ZNF280D: variants seen among roughly 807,000 people sequenced by gnomAD.
ZNF280D encodes zinc finger protein 280D, also known as suppressor of hairy wing homolog 4.
In ZNF280D, 39 loss-of-function variants were observed where a neutral mutation model predicts 94.7. That is an observed-to-expected ratio of 0.41 (90% CI 0.32 to 0.54). ZNF280D has a LOEUF of 0.54. ZNF280D is among the 20% of genes least tolerant of loss of function. The pLI, the probability that ZNF280D is intolerant of heterozygous loss-of-function variation, is 0.22. For synonymous variants in ZNF280D, 398 were observed against 377.6 expected, an observed-to-expected ratio of 1.05 and a Z score of -0.63; for missense variants, 1,090 against 1,149.3, an observed-to-expected ratio of 0.95 and a Z score of 0.75.
At chr15:56,697,527 C>T (rs1488773852) in intron 6 of ZNF280D, among the ~76,000 whole-genome samples, 4 of 152,140 alleles carry the variant, frequency 2.6e-5, no homozygotes, top group African/African-American at 9.7e-5. Flanking sequence ...CCTGTAGAAC[C>T]TTAGATGATT....
At chr15:56,675,565 CTTACTATATGTAAT>C (rs1596461265) in intron 13 of ZNF280D, among the ~76,000 whole-genome samples, 1 of 151,622 alleles carries the variant, frequency 6.6e-6, no homozygotes, top group East Asian at 1.9e-4. Flanking sequence ...ACAGGTAATT[CTTACTATATGTAAT>C]TTACTATATG....
At chr15:56,647,363 A>C (rs1162149108) in intron 19 of ZNF280D, among the ~76,000 whole-genome samples, 1 of 152,310 alleles carries the variant, frequency 6.6e-6, no homozygotes, top group Admixed American at 6.5e-5. Context: ...GAGATTATTC[A>C]TGATATGGAA....
chr15:56,642,310 C>A (rs1481946976), intron 20 of ZNF280D, among the ~76,000 whole-genome samples: 1 of 151,674 alleles, frequency 6.6e-6, no homozygotes, highest in Non-Finnish European at 1.5e-5. Flanking sequence ...TTATATTATG[C>A]GCCATTCAAG....
At chr15:56,722,683 A>T (rs1044153631) in intron 1 of ZNF280D, among the ~76,000 whole-genome samples, 6 of 152,194 alleles carry the variant, frequency 3.9e-5, no homozygotes, top group Non-Finnish European at 8.8e-5. Flanking sequence ...TTCCTCAAGG[A>T]TCTAGAACTA....
intron 3 of ZNF280D, among the ~76,000 whole-genome samples, chr15:56,705,103 C>G (rs1217309854): frequency 6.6e-6 from 1 of 152,064 alleles, no homozygotes; most frequent in Admixed American, 6.6e-5. Context: ...GGAAGAATGT[C>G]ACAAATCATT....
chr15:56,724,127 G>A (rs1026951150), intron 1 of ZNF280D, among the ~76,000 whole-genome samples: 2 of 152,090 alleles, frequency 1.3e-5, no homozygotes, highest in Non-Finnish European at 2.9e-5. Context: ...TTGAAGTACA[G>A]TTTCTACTAA....
chr15:56,713,053 C>T (rs980680511), intron 1 of ZNF280D, among the ~76,000 whole-genome samples: 5 of 151,908 alleles, frequency 3.3e-5, no homozygotes, highest in African/African-American at 1.2e-4. Flanking sequence ...TGGTTAACTT[C>T]TACATCTCCC....
intron 14 of ZNF280D, chr15:56,668,042 C>T: frequency 2.4e-6 from 1 of 410,906 alleles, no homozygotes; most frequent in Non-Finnish European, 4.8e-6. Flanking sequence ...GAATGGATTG[C>T]AGGGAAGGAT....
At chr15:56,657,407 A>C (rs2053617856) in intron 17 of ZNF280D, among the ~76,000 whole-genome samples, 1 of 152,186 alleles carries the variant, frequency 6.6e-6, no homozygotes, top group Non-Finnish European at 1.5e-5. Flanking sequence ...TTCCTTTAAG[A>C]GATAGCTTAG....
chr15:56,731,403 C>A (rs922585452), intron 1 of ZNF280D, among the ~76,000 whole-genome samples: 1 of 147,914 alleles, frequency 6.8e-6, no homozygotes, highest in Non-Finnish European at 1.5e-5. Context: ...CTCAGGAGGC[C>A]GAGGTGGGAG....
intron 16 of ZNF280D, among the ~76,000 whole-genome samples, chr15:56,663,387 A>T (rs2054086523): frequency 6.6e-6 from 1 of 152,098 alleles, no homozygotes; most frequent in African/African-American, 2.4e-5. Flanking sequence ...CAGGTATGAG[A>T]CCAAAGGGAA....
intron 13 of ZNF280D, among the ~76,000 whole-genome samples, 168 bp downstream of exon 13, chr15:56,676,502 G>A (rs2055243067): frequency 6.6e-6 from 1 of 152,056 alleles, no homozygotes; most frequent in Non-Finnish European, 1.5e-5. Flanking sequence ...AAGGAAGTAA[G>A]GAAAAGAAGT....
At chr15:56,723,235 A>AAAATAAAT (rs146277651) in intron 1 of ZNF280D, among the ~76,000 whole-genome samples, 26 of 150,692 alleles carry the variant, frequency 1.7e-4, no homozygotes, top group Non-Finnish European at 3.5e-4. Flanking sequence ...TAATAATAAA[A>AAAATAAAT]AAATAAATAA....
intron 9 of ZNF280D, among the ~76,000 whole-genome samples, chr15:56,684,126 G>T (rs561995884): frequency 1.3e-5 from 2 of 152,138 alleles, no homozygotes; most frequent in Admixed American, 1.3e-4. Flanking sequence ...TAAAGAATCA[G>T]ACACACAAGT....
intron 1 of ZNF280D, among the ~76,000 whole-genome samples, chr15:56,720,493 A>G (rs1235823970): frequency 1.3e-5 from 2 of 152,122 alleles, no homozygotes; most frequent in Non-Finnish European, 2.9e-5. Context: ...GTTAATGTTG[A>G]TATTTTGACC....
chr15:56,639,250 T>A (rs1488470665), intron 20 of ZNF280D, among the ~76,000 whole-genome samples: 3 of 138,530 alleles, frequency 2.2e-5, no homozygotes, highest in African/African-American at 8.1e-5. Flanking sequence ...AACAAAAAGA[T>A]GAAAGGCCAG....
intron 1 of ZNF280D, among the ~76,000 whole-genome samples, chr15:56,731,977 C>A (rs1304564397): frequency 6.6e-6 from 1 of 152,148 alleles, no homozygotes. Flanking sequence ...TGAGACCAGC[C>A]TGGGCAACAT....
intron 1 of ZNF280D, among the ~76,000 whole-genome samples, chr15:56,731,454 C>G (rs762000358): frequency 2.9e-5 from 4 of 136,702 alleles, no homozygotes; most frequent in Non-Finnish European, 4.6e-5. Flanking sequence ...ATGCAGCGAG[C>G]CAAGACTGCT....
chr15:56,688,867 G>A (rs929625594), intron 9 of ZNF280D, 174 bp downstream of exon 9: 6 of 412,124 alleles, frequency 1.5e-5, no homozygotes, highest in Non-Finnish European at 2.2e-5. Flanking sequence ...TTTAAAATTT[G>A]AGGATTTAGA....
Sources: gnomAD v4.1 joint callset for allele counts (sites outside exome capture counted in the v4.1 genomes callset) on GRCh38, gnomAD v4.1.1 for gene constraint, MANE v1.5 for transcripts, NCBI Gene and HGNC (gene_info 2026-07-23, HGNC 2026-07-21) for gene names.